Variants in AGFG2 observed in about 807,000 individuals in gnomAD.
The protein encoded by AGFG2 is arf-GAP domain and FG repeat-containing protein 2.
Under a neutral mutation model 48.0 loss-of-function variants are expected in AGFG2, and 31 were observed. The observed-to-expected ratio is 0.65, with a 90% CI of 0.49 to 0.87. The LOEUF (loss-of-function observed/expected upper bound fraction) is 0.87. Among genes scored for constraint, AGFG2 ranks in the 40% least tolerant of loss-of-function variants. The pLI, the probability that AGFG2 is intolerant of heterozygous loss-of-function variation, is 0.00. For missense variants in AGFG2, 599 were observed against 632.6 expected (o/e 0.95, Z 0.57); for synonymous variants, 229 against 260.8 (o/e 0.88, Z 1.18).
chr7:100,564,030 C>G, intron 10 of AGFG2, 68 bp downstream of exon 10: 1 of 1,584,840 alleles, frequency 6.3e-7, no homozygotes, highest in South Asian at 1.1e-5. Flanking sequence ...GTTAGTTGTT[C>G]CTCCGACCTC....
At position 100,563,949 on chromosome 7, in the gene AGFG2, TCAG is replaced by T. The variant is rs1800939351; in HGVS notation, c.1294_1296del (p.Gln432del). Reference sequence around the variant, plus strand: ...TGTTCCCCCCGCAGACCCCGCTTGTTCAGCAGCAGAATGGTAAGAGCTGTAGAT... The same window carrying T: ...TGTTCCCCCCGCAGACCCCGCTTGTTCAGCAGAATGGTAAGAGCTGTAGAT... On this transcript the variant is annotated inframe_deletion, in exon 10 of 12. Coordinates refer to ENST00000300176, the MANE Select transcript of AGFG2 (RefSeq NM_006076.5). The T allele has an allele frequency of 1.2e-6, 2 of 1,607,774 alleles. No homozygotes were observed. The highest frequency in any genetic ancestry group is 2.7e-5 in the African/African-American group (2 of 74,988).
rs748296459 is a variant in AGFG2, at chr7:100,555,686, C to G, written c.828C>G (p.Ser276Arg). Residue 276 changes from serine to arginine, a missense_variant, in exon 6 of 12, where the codon AGC becomes AGG. By Grantham distance (110) the Ser-to-Arg change is moderately radical. Coordinates refer to ENST00000300176, the MANE Select transcript of AGFG2 (RefSeq NM_006076.5). ...GCCCCAGCTCTTCTGTGTTTGGAAG[C>G]CTCCCTCCAGCTGGTCAAGCCTCGT... ...SSGPSSSVFG[S>R]LPPAGQASFQ... 46 of 1,614,028 alleles carry G rather than the reference C, an allele frequency of 2.9e-5. No homozygotes were observed. The African/African-American group carries it at 5.2e-4, about 18-fold the overall frequency.
intron 9 of AGFG2, 57 bp from the exon 10 acceptor site, chr7:100,563,777 A>G: frequency 1.2e-6 from 2 of 1,600,274 alleles, no homozygotes; most frequent in African/African-American, 2.7e-5. Flanking sequence ...TAGGAAAAAC[A>G]GTTCTCCAGC....
chr7:100,549,407 G>T (rs1016856623), intron 2 of AGFG2, among the ~76,000 whole-genome samples: 17 of 152,158 alleles, frequency 1.1e-4, no homozygotes, highest in African/African-American at 4.1e-4. Flanking sequence ...TTACTTAGAG[G>T]GTATCCTCAA....
At chr7:100,550,585 T>C (rs866739243) in intron 3 of AGFG2, 74 bp downstream of exon 3, 37 of 1,217,638 alleles carry the variant, frequency 3.0e-5, no homozygotes, top group Middle Eastern at 4.2e-4. Context: ...GTTTCTAGAG[T>C]TGAATTTGGC....
Position 100,562,484 on chromosome 7 carries a change from CCTCCT to C in AGFG2, c.999-105_999-101del, listed in dbSNP as rs1800897891. ...GCATCTCCTGGCAGTTCTCCCCTCC[CCTCCT>C]CTCCCTTACTCACCCTGGAGAGCAG... On this transcript the variant is annotated intron_variant, in intron 7 of 11. Transcript: ENST00000300176. This position sits in a 1 kb window ranked among gnomAD's most constrained non-coding sequence, Gnocchi z 5.4. The C allele has an allele frequency of 6.3e-7, 1 of 1,598,886 alleles. No individual in the cohort carries two copies.
chr7:100,562,205 C>G lies in AGFG2; in HGVS notation c.878-54C>G. Reference sequence around the variant, plus strand: ...ACCACCTCCATCTGCTCTCCTGCCCCTCCCGCCCTGTCTTACCTCAGCTCT... The same window carrying G: ...ACCACCTCCATCTGCTCTCCTGCCCGTCCCGCCCTGTCTTACCTCAGCTCT... On this transcript the variant is annotated intron_variant, in intron 6 of 11. Transcript: ENST00000300176. The surrounding 1 kb of genome is among the most constrained non-coding windows in gnomAD (Gnocchi z 5.4). 1 of 1,589,768 alleles carries G rather than the reference C, an allele frequency of 6.3e-7. No individual in the cohort carries two copies. Among genetic ancestry groups the G allele is most frequent in the Non-Finnish European group, 8.6e-7 (1 of 1,164,278 alleles).
chr7:100,564,041 A>C, intron 10 of AGFG2, 79 bp downstream of exon 10: 3 of 1,579,250 alleles, frequency 1.9e-6, no homozygotes, highest in Non-Finnish European at 2.6e-6. Flanking sequence ...CTCCGACCTC[A>C]TCAGAGCCCA....
In AGFG2 at chr7:100,564,339, G is replaced by A. The variant is rs554787420; in HGVS notation, c.1386+36G>A. 76 of 1,587,996 alleles carry A rather than the reference G, an allele frequency of 4.8e-5. No individual in the cohort carries two copies. In the South Asian group the frequency reaches 4.9e-4, roughly 10 times the overall value. Reference sequence around the variant, plus strand: ...CAGCAGGGGTGCTGTGGTAGGGCTCGTGGGCTTTCCCTCTGGGACAATCCT... The same window carrying A: ...CAGCAGGGGTGCTGTGGTAGGGCTCATGGGCTTTCCCTCTGGGACAATCCT... On this transcript the variant is annotated intron_variant, in intron 11 of 11. Coordinates refer to ENST00000300176, the MANE Select transcript of AGFG2 (RefSeq NM_006076.5).
intron 3 of AGFG2, among the ~76,000 whole-genome samples, chr7:100,552,751 G>C (rs919935999): frequency 1.3e-5 from 2 of 152,206 alleles, no homozygotes; most frequent in Non-Finnish European, 2.9e-5. Flanking sequence ...GGCAGGAGCT[G>C]GCAGGATGGA....
At chr7:100,545,044 G>T (rs1299316545) in intron 1 of AGFG2, among the ~76,000 whole-genome samples, 1 of 152,140 alleles carries the variant, frequency 6.6e-6, no homozygotes, top group Non-Finnish European at 1.5e-5. Flanking sequence ...TTGCATCCAA[G>T]ATAAGAGCTA....
intron 3 of AGFG2, among the ~76,000 whole-genome samples, chr7:100,551,784 G>A (rs1419862200): frequency 2.7e-5 from 4 of 150,060 alleles, no homozygotes; most frequent in Non-Finnish European, 4.4e-5. Context: ...CTACTCTGGA[G>A]GCTGAGGCAG....
chr7:100,541,972 G>A (rs1800429177), intron 1 of AGFG2, among the ~76,000 whole-genome samples: 1 of 152,004 alleles, frequency 6.6e-6, no homozygotes, highest in African/African-American at 2.4e-5. Flanking sequence ...CCTCAATCAG[G>A]ACACAAAGAA....
intron 1 of AGFG2, among the ~76,000 whole-genome samples, chr7:100,545,859 G>C (rs371941519): frequency 6.6e-6 from 1 of 152,142 alleles, no homozygotes; most frequent in Non-Finnish European, 1.5e-5. Context: ...GGGGGCTCTC[G>C]TTTCTAAATT....
chr7:100,552,240 G>A (rs1454540771), intron 3 of AGFG2, among the ~76,000 whole-genome samples: 1 of 151,276 alleles, frequency 6.6e-6, no homozygotes, highest in Non-Finnish European at 1.5e-5. Context: ...GTGAAACTCC[G>A]TCTCAAAAAA....
At chr7:100,547,905 C>T (rs992116702) in intron 1 of AGFG2, among the ~76,000 whole-genome samples, 1 of 152,186 alleles carries the variant, frequency 6.6e-6, no homozygotes, top group African/African-American at 2.4e-5. Flanking sequence ...ATCCCACCAC[C>T]ACTCCACCCT....
rs1286121819 is a variant in AGFG2 at position 100,554,315 on chromosome 7, G to T, written c.751+57G>T. On this transcript the variant is annotated intron_variant, in intron 5 of 11. Coordinates refer to ENST00000300176, the MANE Select transcript of AGFG2 (RefSeq NM_006076.5). Reference sequence around the variant, plus strand: ...CAGCGTATATGCTTACAACATGAGAGATCCAGTCCCTGGAGGTAACCATGG... The same window carrying T: ...CAGCGTATATGCTTACAACATGAGATATCCAGTCCCTGGAGGTAACCATGG... 2.0e-6 allele frequency: 3 copies of T among 1,535,800 alleles called. No individual in the cohort carries two copies. In the African/African-American group the frequency reaches 4.1e-5, roughly 21 times the overall value.
intron 6 of AGFG2, chr7:100,556,133 C>T (rs1800754676): frequency 5.1e-6 from 1 of 196,510 alleles, no homozygotes; most frequent in East Asian, 1.2e-4. Flanking sequence ...CTCATCCATC[C>T]CTCTAAGACC....
At chr7:100,558,863 C>T (rs1800811716) in intron 6 of AGFG2, among the ~76,000 whole-genome samples, 1 of 152,160 alleles carries the variant, frequency 6.6e-6, no homozygotes, top group South Asian at 2.1e-4. Context: ...TCACTGGGCG[C>T]AGTGGCTCAT....
Sources: allele counts gnomAD v4.1 joint callset (sites outside exome capture counted in the v4.1 genomes callset), GRCh38; gene constraint gnomAD v4.1.1; non-coding constraint Gnocchi (gnomAD v3.1); transcripts MANE v1.5; gene names NCBI Gene and HGNC (gene_info 2026-07-23, HGNC 2026-07-21).